Variants in ZNF25 observed in about 807,000 individuals in gnomAD.
ZNF25 encodes zinc finger protein 25, also known as zinc finger protein 25 (KOX 19).
Under a neutral mutation model 30.9 loss-of-function variants are expected in ZNF25, and 21 were observed. The ratio of observed to expected loss-of-function variants is 0.68; its 90% CI spans 0.48 to 0.98. ZNF25 has a LOEUF of 0.98. Ranked by LOEUF, ZNF25 falls within the 50% of genes least tolerant of loss-of-function variation. ZNF25 has a pLI of 0.00. For missense variants in ZNF25, 501 were observed against 529.9 expected (o/e 0.95, Z 0.54); for synonymous variants, 169 against 181.3 (o/e 0.93, Z 0.55).
rs201016692 is a variant in ZNF25 at position 37,971,702 on chromosome 10, A to G, written c.15+6T>C. 1.9e-6 allele frequency: 3 copies of G among 1,613,330 alleles called. No homozygotes were observed. The South Asian group carries it at 3.3e-5, about 18-fold the overall frequency. ...AAACAAAGTTAGGGCTAAGTAAATG[A>G]CTCACCTGGAACTTGTTCATTTTCT... On this transcript the variant is annotated splice_donor_region_variant and intron_variant, in intron 2 of 5. Coordinates refer to ENST00000302609, the MANE Select transcript of ZNF25 (RefSeq NM_145011.4).
chr10:37,965,398 C>T (rs1424527892), intron 2 of ZNF25, among the ~76,000 whole-genome samples: 1 of 152,196 alleles, frequency 6.6e-6, no homozygotes, highest in East Asian at 1.9e-4. Context: ...AAGCAGTCAA[C>T]TCCAGTCATT....
At chr10:37,965,066 C>G (rs143704646) in intron 2 of ZNF25, among the ~76,000 whole-genome samples, 4 of 152,294 alleles carry the variant, frequency 2.6e-5, no homozygotes, top group African/African-American at 7.2e-5. Context: ...AGGGCACAAT[C>G]TGTAATCCTT....
At chr10:37,971,868 T>A in intron 1 of ZNF25, 61 bp from the exon 2 acceptor site, 1 of 1,128,758 alleles carries the variant, frequency 8.9e-7, no homozygotes, top group Non-Finnish European at 1.3e-6. Context: ...AATGTCCCTT[T>A]GACCCATTAG....
intron 2 of ZNF25, among the ~76,000 whole-genome samples, chr10:37,965,385 T>C (rs2063126006): frequency 6.6e-6 from 1 of 152,204 alleles, no homozygotes; most frequent in Non-Finnish European, 1.5e-5. Context: ...ATGGAAAAGC[T>C]GAAAGCAGTC....
At chr10:37,957,234 A>G in intron 3 of ZNF25, 119 bp from the exon 4 acceptor site, 1 of 1,283,356 alleles carries the variant, frequency 7.8e-7, no homozygotes, top group East Asian at 2.4e-5. Context: ...TGGCAAATTT[A>G]GATTCTTTCA....
At chr10:37,953,287 G>C in intron 5 of ZNF25, 92 bp from the exon 6 acceptor site, 1 of 1,201,364 alleles carries the variant, frequency 8.3e-7, no homozygotes, top group Non-Finnish European at 1.2e-6. Context: ...AAGTACCTCT[G>C]AGGACCGATT....
At chr10:37,959,456 C>T (rs1050723845) in intron 2 of ZNF25, among the ~76,000 whole-genome samples, 1 of 152,066 alleles carries the variant, frequency 6.6e-6, no homozygotes, top group African/African-American at 2.4e-5. Context: ...AGTTATAGTG[C>T]CAATTATTTT....
chr10:37,953,545 C>A, intron 5 of ZNF25, 150 bp downstream of exon 5: 1 of 714,566 alleles, frequency 1.4e-6, no homozygotes, highest in Non-Finnish European at 2.3e-6. Flanking sequence ...TGAAAAGGGG[C>A]AGTCCCATTT....
rs1355758980 is a variant in ZNF25 at position 37,957,093 on chromosome 10, A to G, written c.165T>C (p.Asn55=). ...VSVGYHVNKP[N]AVFKLKQGKE... ...TTCCTTGCTTCAACTTGAAGACTGC[A>G]TTTGGCTTATTCACATGGTAACCTA... Residue 55 remains asparagine (N), a synonymous_variant, in exon 4 of 6, where the codon AAT becomes AAC. Coordinates refer to ENST00000302609, the MANE Select transcript of ZNF25 (RefSeq NM_145011.4). 3.2e-5 allele frequency: 51 copies of G among 1,613,916 alleles called. No homozygotes were observed. The highest frequency in any genetic ancestry group is 4.0e-5 in the Non-Finnish European group (47 of 1,180,004).
chr10:37,959,088 A>G (rs919303372), intron 2 of ZNF25, among the ~76,000 whole-genome samples: 2 of 152,196 alleles, frequency 1.3e-5, no homozygotes, highest in African/African-American at 2.4e-5. Flanking sequence ...TTTTGTTTAT[A>G]TAAGACAAAA....
At chr10:37,954,478 G>C (rs917131985) in intron 4 of ZNF25, among the ~76,000 whole-genome samples, 2 of 152,098 alleles carry the variant, frequency 1.3e-5, no homozygotes, top group African/African-American at 2.4e-5. Context: ...AAAGCATTGG[G>C]ATAAGCCATC....
In ZNF25 at chr10:37,971,823, A is replaced by G. The variant is rs2063508650; in HGVS notation, c.-85-16T>C. 2.0e-6 allele frequency: 3 copies of G among 1,534,724 alleles called. No homozygotes were observed. Among genetic ancestry groups the G allele is most frequent in the Non-Finnish European group, 9.0e-7 (1 of 1,109,632 alleles). ...CAGGAATCACCTGTGAGAAATTTCC[A>G]TACAACATTTTAGTAAAATATATAC... On this transcript the variant is annotated splice_polypyrimidine_tract_variant and intron_variant, in intron 1 of 5. Transcript: ENST00000302609.
In ZNF25 at chr10:37,952,171, C is replaced by A. The variant is rs777652313; in HGVS notation, c.1327G>T (p.Ala443Ser). The A allele has an allele frequency of 8.2e-5, 131 of 1,602,398 alleles. 2 individuals are homozygous for A. The highest frequency in any genetic ancestry group is 7.9e-4 in the South Asian group (70 of 89,166). ...TTCTTTGTGTGTGTCTTCTGATGTG[C>A]AGTGAGTTGTGACTTCTGGATAAAG... ...ETFIQKSQLT[A>S]HQKTHTKKRN... The change falls in exon 6 of 6, where the codon GCA becomes TCA. Residue 443 changes from alanine to serine, a missense_variant. Coordinates refer to ENST00000302609, the MANE Select transcript of ZNF25 (RefSeq NM_145011.4).
intron 2 of ZNF25, among the ~76,000 whole-genome samples, chr10:37,961,473 C>A (rs1336966451): frequency 1.3e-5 from 2 of 152,082 alleles, no homozygotes; most frequent in Non-Finnish European, 2.9e-5. Context: ...GAATTCCATG[C>A]CCTGCCAAAT....
At chr10:37,956,614 CATTTA>C (rs1166895510) in intron 4 of ZNF25, among the ~76,000 whole-genome samples, 4 of 152,004 alleles carry the variant, frequency 2.6e-5, no homozygotes, top group Non-Finnish European at 5.9e-5. Context: ...AACTACAGGG[CATTTA>C]TAAAGAGACT....
At chr10:37,965,517 A>G (rs2063135114) in intron 2 of ZNF25, among the ~76,000 whole-genome samples, 1 of 152,208 alleles carries the variant, frequency 6.6e-6, no homozygotes. Context: ...AAAGAATTCT[A>G]TTTCAAGAAT....
rs192209336 is a variant in ZNF25, at chr10:37,968,150, C to T, written c.15+3558G>A. Among the ~76,000 whole-genome samples, 1,243 of 151,740 alleles carry T rather than the reference C, an allele frequency of 8.2e-3. 16 individuals are homozygous for T. Among genetic ancestry groups the T allele is most frequent in the Non-Finnish European group, 8.6e-3 (586 of 67,898 alleles). On this transcript the variant is annotated intron_variant, in intron 2 of 5. Coordinates refer to ENST00000302609, the MANE Select transcript of ZNF25 (RefSeq NM_145011.4). ...TCAGCTCACCACAACCTCTGCCTCC[C>T]GGGTTCGAGCAATTCTCCTGCCTCA...
At chr10:37,967,411 T>A (rs1590290844) in intron 2 of ZNF25, among the ~76,000 whole-genome samples, 1 of 151,166 alleles carries the variant, frequency 6.6e-6, no homozygotes, top group Non-Finnish European at 1.5e-5. Flanking sequence ...TACGACCACA[T>A]GATTTTCTTC....
intron 1 of ZNF25, among the ~76,000 whole-genome samples, chr10:37,973,424 T>G (rs2135457355): frequency 6.6e-6 from 1 of 152,002 alleles, no homozygotes; most frequent in South Asian, 2.1e-4. Context: ...AAAATCAGAC[T>G]GGCCAATGTG....
Sources: gnomAD v4.1 joint callset for allele counts (sites outside exome capture counted in the v4.1 genomes callset) on GRCh38, gnomAD v4.1.1 for gene constraint, MANE v1.5 for transcripts, NCBI Gene and HGNC (gene_info 2026-07-23, HGNC 2026-07-21) for gene names.